The following DPYD variants were observed in gnomAD, a reference collection of about 807,000 sequenced individuals.
DPYD encodes the protein dihydropyrimidine dehydrogenase.
A neutral mutation model predicts 116.2 loss-of-function variants in DPYD; 109 were observed. The ratio of observed to expected loss-of-function variants is 0.94; its 90% CI spans 0.80 to 1.10. The LOEUF (loss-of-function observed/expected upper bound fraction) is 1.10. Ranked by LOEUF, DPYD falls within the 50% of genes least tolerant of loss-of-function variation. The probability of loss-of-function intolerance (pLI) is 0.00; values close to 1 mark genes in which losing one functional copy is unlikely to be tolerated. For synonymous variants in DPYD, 440 were observed against 432.0 expected, an observed-to-expected ratio of 1.02 and a Z score of -0.23; for missense variants, 1,302 against 1,254.5, an observed-to-expected ratio of 1.04 and a Z score of -0.57.
intron 20 of DPYD, among the ~76,000 whole-genome samples, chr1:97,130,751 C>CCCTTCCTTCCTTCCTT: frequency 9.5e-6 from 1 of 105,784 alleles, no homozygotes; most frequent in South Asian, 3.1e-4. Flanking sequence ...TCTTCTTTCT[C>CCCTTCCTTCCTTCCTT]CCTTCCTTCC....
At chr1:97,678,821 T>C (rs913708548) in intron 8 of DPYD, among the ~76,000 whole-genome samples, 1 of 152,094 alleles carries the variant, frequency 6.6e-6, no homozygotes. Context: ...GACTTGAAAA[T>C]ATTTTCTTCC....
chr1:97,154,974 C>T (rs1655331385), intron 20 of DPYD, among the ~76,000 whole-genome samples: 1 of 152,120 alleles, frequency 6.6e-6, no homozygotes, highest in South Asian at 2.1e-4. Flanking sequence ...GGTGTACTCA[C>T]CCTAAGTAAG....
intron 18 of DPYD, among the ~76,000 whole-genome samples, chr1:97,302,153 T>G (rs1448941920): frequency 6.6e-6 from 1 of 151,982 alleles, no homozygotes; most frequent in Non-Finnish European, 1.5e-5. Flanking sequence ...GCATGGATTC[T>G]AGAAAAAGGA....
chr1:97,716,059 G>C (rs1198196628), intron 5 of DPYD, among the ~76,000 whole-genome samples: 2 of 151,912 alleles, frequency 1.3e-5, no homozygotes, highest in East Asian at 3.9e-4. Flanking sequence ...CTTCAAAACT[G>C]TTTATTATCG....
intron 13 of DPYD, among the ~76,000 whole-genome samples, chr1:97,482,999 C>G (rs1442140865): frequency 6.6e-6 from 1 of 152,176 alleles, no homozygotes; most frequent in Non-Finnish European, 1.5e-5. Context: ...TCATTTCACT[C>G]TCACCCCAAC....
Position 97,082,401 on chromosome 1 carries a change from C to A in DPYD, c.2836G>T (p.Ala946Ser), listed in dbSNP as rs1156733889. The A allele has an allele frequency of 6.2e-7, 1 of 1,613,670 alleles. No homozygotes were observed. Among genetic ancestry groups the A allele is most frequent in the Non-Finnish European group, 8.5e-7 (1 of 1,179,660 alleles). The change falls in exon 22 of 23, where the codon GCT becomes TCT. Residue 946 changes from alanine to serine, a missense_variant. By Grantham distance (99) the Ala-to-Ser change is moderately conservative. Coordinates refer to ENST00000370192, the MANE Select transcript of DPYD (RefSeq NM_000110.4). Reference protein sequence around the residue: ...GELSNVEQVVAMIDEEMCINC... With the variant: ...GELSNVEQVVSMIDEEMCINC... ...ATACACATTTCTTCATCAATCATAG[C>A]CACAACTTGCTCTACGTTGCTCAAT...
At chr1:97,674,223 G>C (rs1660022488) in intron 8 of DPYD, among the ~76,000 whole-genome samples, 1 of 152,112 alleles carries the variant, frequency 6.6e-6, no homozygotes. Context: ...AAAATCTTTT[G>C]GGTGGACACA....
intron 20 of DPYD, among the ~76,000 whole-genome samples, chr1:97,131,608 T>G: frequency 6.6e-6 from 1 of 151,882 alleles, no homozygotes; most frequent in Admixed American, 6.6e-5. Flanking sequence ...AGATAACTAT[T>G]TGTGTGTGTG....
chr1:97,537,140 C>G (rs1650060479), intron 12 of DPYD, among the ~76,000 whole-genome samples: 1 of 152,146 alleles, frequency 6.6e-6, no homozygotes, highest in African/African-American at 2.4e-5. Flanking sequence ...CAGAGAAGTT[C>G]TTGTAAGTTT....
At chr1:97,739,139 T>A (rs1328313958) in intron 4 of DPYD, among the ~76,000 whole-genome samples, 2 of 152,128 alleles carry the variant, frequency 1.3e-5, no homozygotes, top group Non-Finnish European at 2.9e-5. Context: ...TCTGATGAGA[T>A]CTTTATTAAA....
intron 20 of DPYD, among the ~76,000 whole-genome samples, chr1:97,153,188 T>A (rs1425762985): frequency 3.3e-5 from 5 of 152,242 alleles, no homozygotes; most frequent in Admixed American, 1.3e-4. Context: ...CCATTACTAC[T>A]ATACTGAAAC....
chr1:97,138,773 A>T (rs1485775693), intron 20 of DPYD, among the ~76,000 whole-genome samples: 1 of 152,166 alleles, frequency 6.6e-6, no homozygotes, highest in African/African-American at 2.4e-5. Flanking sequence ...TAGAGGAGTC[A>T]CTCAAGATAG....
At chr1:97,540,741 G>C (rs893652790) in intron 12 of DPYD, among the ~76,000 whole-genome samples, 83 of 152,152 alleles carry the variant, frequency 5.5e-4, no homozygotes, top group African/African-American at 1.8e-3. Flanking sequence ...GGGGAGCAGG[G>C]CTGAAAGTCC....
intron 19 of DPYD, among the ~76,000 whole-genome samples, chr1:97,206,356 T>C (rs1659601215): frequency 6.6e-6 from 1 of 151,966 alleles, no homozygotes; most frequent in Non-Finnish European, 1.5e-5. Context: ...TATTATGTTT[T>C]AAACCCTGTT....
chr1:97,337,283 A>G (rs1453125868), intron 16 of DPYD, among the ~76,000 whole-genome samples: 6 of 152,200 alleles, frequency 3.9e-5, no homozygotes, highest in Non-Finnish European at 1.5e-5. Flanking sequence ...TTTGTCTCCG[A>G]AAGGAGAAGT....
At chr1:97,730,780 T>C (rs79592686) in intron 4 of DPYD, among the ~76,000 whole-genome samples, 1,708 of 152,084 alleles carry the variant, frequency 0.011, 26 homozygotes, top group African/African-American at 0.039. Context: ...ATTTAGTGTG[T>C]AGTAGAGTTT....
At chr1:97,133,461 A>T (rs960483402) in intron 20 of DPYD, among the ~76,000 whole-genome samples, 2 of 152,076 alleles carry the variant, frequency 1.3e-5, no homozygotes, top group African/African-American at 4.8e-5. Context: ...TTGATTACCT[A>T]TAGAAGCTTG....
At chr1:97,093,489 A>G (rs531067855) in intron 21 of DPYD, among the ~76,000 whole-genome samples, 1 of 152,348 alleles carries the variant, frequency 6.6e-6, no homozygotes, top group African/African-American at 2.4e-5. Context: ...TAATAGTAAC[A>G]TTTATTTAGG....
chr1:97,439,228 G>T (rs890435395), intron 14 of DPYD, among the ~76,000 whole-genome samples: 29 of 151,888 alleles, frequency 1.9e-4, no homozygotes, highest in African/African-American at 7.0e-4. Flanking sequence ...TTCCTATCTG[G>T]AGTTCCTTGT....
Sources: gnomAD v4.1 joint callset for allele counts (sites outside exome capture counted in the v4.1 genomes callset) on GRCh38, gnomAD v4.1.1 for gene constraint, MANE v1.5 for transcripts, NCBI Gene and HGNC (gene_info 2026-07-23, HGNC 2026-07-21) for gene names.